The following MAPK10 variants were observed in gnomAD, a reference collection of about 807,000 sequenced individuals.
MAPK10 encodes the protein mitogen-activated protein kinase 10, also known as JNK3 alpha protein kinase.
MAPK10 carries 25 observed loss-of-function variants against 59.3 expected under a neutral mutation model. The ratio of observed to expected loss-of-function variants is 0.42; its 90% CI spans 0.31 to 0.59. MAPK10 has a LOEUF of 0.59. Ranked by LOEUF, MAPK10 falls within the 20% of genes least tolerant of loss-of-function variation. MAPK10 has a pLI of 0.15. For missense variants in MAPK10, 351 were observed against 568.9 expected (o/e 0.62, Z 3.90); for synonymous variants, 190 against 200.5 (o/e 0.95, Z 0.44).
intron 11 of MAPK10, among the ~76,000 whole-genome samples, chr4:86,060,978 G>A (rs10011390): frequency 0.21 from 31,942 of 151,896 alleles, 4,073 homozygotes; most frequent in African/African-American, 0.35. Flanking sequence ...AGTCATAATA[G>A]TAATAGTAAT....
intron 1 of MAPK10, among the ~76,000 whole-genome samples, chr4:86,440,125 G>A (rs1466791344): frequency 6.6e-6 from 1 of 152,116 alleles, no homozygotes; most frequent in Non-Finnish European, 1.5e-5. Flanking sequence ...GTAGACACAA[G>A]ATATAGACTA....
chr4:86,297,749 T>C (rs111410424), intron 2 of MAPK10, among the ~76,000 whole-genome samples: 1 of 151,402 alleles, frequency 6.6e-6, no homozygotes, highest in Non-Finnish European at 1.5e-5. Flanking sequence ...TCTCTACTCT[T>C]TACTCTAATT....
At chr4:86,285,935 C>T (rs773411804) in intron 2 of MAPK10, among the ~76,000 whole-genome samples, 3 of 152,154 alleles carry the variant, frequency 2.0e-5, no homozygotes, top group Non-Finnish European at 4.4e-5. Context: ...CAAATTCCGC[C>T]TTCTTCTGCA....
At chr4:86,287,218 A>C (rs1251500236) in intron 2 of MAPK10, among the ~76,000 whole-genome samples, 1 of 152,216 alleles carries the variant, frequency 6.6e-6, no homozygotes, top group Non-Finnish European at 1.5e-5. Context: ...CTTTATAAAC[A>C]ACCCACAAAA....
At chr4:86,187,424 C>A (rs938335198) in intron 3 of MAPK10, among the ~76,000 whole-genome samples, 1 of 152,052 alleles carries the variant, frequency 6.6e-6, no homozygotes, top group Non-Finnish European at 1.5e-5. Context: ...AGCAAGATGG[C>A]ACAAGATTTC....
At chr4:86,545,553 G>C (rs1578064770) in intron 1 of MAPK10, among the ~76,000 whole-genome samples, 1 of 152,192 alleles carries the variant, frequency 6.6e-6, no homozygotes. Flanking sequence ...TGGAAAAGGG[G>C]CATGTATTGA....
intron 2 of MAPK10, among the ~76,000 whole-genome samples, chr4:86,268,979 C>T (rs879814824): frequency 7.2e-5 from 11 of 152,086 alleles, no homozygotes; most frequent in Non-Finnish European, 1.0e-4. Flanking sequence ...GAATAGTGCC[C>T]AGTACATGGT....
At chr4:86,530,044 A>G (rs1340968512) in intron 1 of MAPK10, among the ~76,000 whole-genome samples, 1 of 149,988 alleles carries the variant, frequency 6.7e-6, no homozygotes, top group East Asian at 2.0e-4. Context: ...TAATCTACTC[A>G]AGGGGCTTTT....
intron 4 of MAPK10, among the ~76,000 whole-genome samples, chr4:86,140,523 G>C (rs1240910960): frequency 1.6e-5 from 2 of 124,888 alleles, no homozygotes; most frequent in Non-Finnish European, 3.2e-5. Flanking sequence ...TCACACTCTG[G>C]GGACTATTGT....
intron 1 of MAPK10, among the ~76,000 whole-genome samples, chr4:86,508,766 G>C (rs1755986948): frequency 6.6e-6 from 1 of 152,168 alleles, no homozygotes; most frequent in Non-Finnish European, 1.5e-5. Context: ...TGGTCACCAT[G>C]ATCTAAACCA....
chr4:86,261,168 C>T (rs961487009), intron 2 of MAPK10, among the ~76,000 whole-genome samples: 1 of 152,168 alleles, frequency 6.6e-6, no homozygotes, highest in South Asian at 2.1e-4. Context: ...ATTCCAAGGC[C>T]TACCTTAATA....
chr4:86,390,960 T>C (rs1324191223), intron 1 of MAPK10, among the ~76,000 whole-genome samples: 1 of 152,246 alleles, frequency 6.6e-6, no homozygotes, highest in East Asian at 1.9e-4. Flanking sequence ...TGCCACATAA[T>C]TGCTATCTGA....
chr4:86,091,601 C>T (rs532028367), intron 9 of MAPK10: 1 of 114,180 alleles, frequency 8.8e-6, no homozygotes, highest in South Asian at 3.1e-4. Context: ...ACAGCAACAA[C>T]AATAACAACA....
intron 4 of MAPK10, among the ~76,000 whole-genome samples, chr4:86,149,142 C>T (rs2065747697): frequency 6.6e-6 from 1 of 152,176 alleles, no homozygotes; most frequent in Non-Finnish European, 1.5e-5. Flanking sequence ...TTTTGCCTTC[C>T]TTCTCTCATT....
intron 2 of MAPK10, among the ~76,000 whole-genome samples, chr4:86,294,482 C>G (rs1040415965): frequency 6.6e-6 from 1 of 151,634 alleles, no homozygotes; most frequent in Non-Finnish European, 1.5e-5. Flanking sequence ...ACCTCTGTTT[C>G]TACCCATGAG....
chr4:86,068,039 T>C, intron 9 of MAPK10, 84 bp from the exon 10 acceptor site: 1 of 794,906 alleles, frequency 1.3e-6, no homozygotes. Flanking sequence ...CTCAAAGTCC[T>C]CAACAGTCAT....
chr4:86,518,614 G>A (rs1161527661), intron 1 of MAPK10, among the ~76,000 whole-genome samples: 3 of 147,972 alleles, frequency 2.0e-5, no homozygotes, highest in Admixed American at 6.7e-5. Context: ...ATTTCATTTA[G>A]TTCTGCTCTG....
At chr4:86,254,981 A>G (rs2093641122) in intron 2 of MAPK10, among the ~76,000 whole-genome samples, 1 of 152,216 alleles carries the variant, frequency 6.6e-6, no homozygotes, top group South Asian at 2.1e-4. Flanking sequence ...AAGATGTAAC[A>G]TAAAAGTGAC....
At chr4:86,173,739 AG>A (rs2074978732) in intron 3 of MAPK10, among the ~76,000 whole-genome samples, 1 of 152,208 alleles carries the variant, frequency 6.6e-6, no homozygotes, top group African/African-American at 2.4e-5. Flanking sequence ...CATCTGACAA[AG>A]GTCTAATATC....
Sources: allele counts gnomAD v4.1 joint callset (sites outside exome capture counted in the v4.1 genomes callset), GRCh38; gene constraint gnomAD v4.1.1; transcripts MANE v1.5; gene names NCBI Gene and HGNC (gene_info 2026-07-23, HGNC 2026-07-21).